Variants in WDR64 observed in about 807,000 individuals in gnomAD.
WDR64 encodes WD repeat-containing protein 64.
WDR64 carries 112 observed loss-of-function variants against 139.3 expected under a neutral mutation model. That is an observed-to-expected ratio of 0.80 (90% CI 0.69 to 0.94). The LOEUF is 0.94. Ranked by LOEUF, WDR64 falls within the 40% of genes least tolerant of loss-of-function variation. WDR64 has a pLI of 0.00. For missense variants in WDR64, 1,206 were observed against 1,293.1 expected (o/e 0.93, Z 1.03); for synonymous variants, 444 against 437.7 (o/e 1.01, Z -0.18).
chr1:241,735,855 C>CTCTGTGTGTG (rs1248435698), intron 10 of WDR64, among the ~76,000 whole-genome samples: 1 of 71,610 alleles, frequency 1.4e-5, no homozygotes, highest in African/African-American at 4.7e-5. Flanking sequence ...CTCTCTCTCT[C>CTCTGTGTGTG]TGTGTGTGTG....
At position 241,740,040 on chromosome 1, in the gene WDR64, C is replaced by T. The variant is rs190331108; in HGVS notation, c.1322-1476C>T. ...TCATCTATTTTTTTCATTTGATCTGCACAGCCACCATATGAGGTAGTAATT... is the reference window on the plus strand; with the variant it reads ...TCATCTATTTTTTTCATTTGATCTGTACAGCCACCATATGAGGTAGTAATT... On this transcript the variant is annotated intron_variant, in intron 11 of 27. Transcript: ENST00000437684. Among the ~76,000 whole-genome samples the T allele has an allele frequency of 4.6e-5, 7 of 152,260 alleles. No individual in the cohort carries two copies. In the East Asian group the frequency reaches 1.4e-3, roughly 29 times the overall value.
chr1:241,666,307 T>C (rs1666025776), intron 2 of WDR64, among the ~76,000 whole-genome samples: 1 of 152,196 alleles, frequency 6.6e-6, no homozygotes, highest in Non-Finnish European at 1.5e-5. Context: ...ACAGCATTAT[T>C]TGCTTGAGAC....
At position 241,801,257 on chromosome 1, in the gene WDR64, C is replaced by T. The variant is rs4658661; in HGVS notation, c.*42C>T. 778,997 of 1,539,786 alleles carry T rather than the reference C, an allele frequency of 0.51. 201,905 individuals are homozygous for T. Among genetic ancestry groups the T allele is most frequent in the Middle Eastern group, 0.56 (3,333 of 5,904 alleles). Reference sequence around the variant, plus strand: ...ATGGCTGCTGCACATAAAATGGCAACGTTTGGATGATACCTGCTCTTTATT... The same window carrying T: ...ATGGCTGCTGCACATAAAATGGCAATGTTTGGATGATACCTGCTCTTTATT... On this transcript the variant is annotated 3_prime_UTR_variant, in exon 28 of 28. Transcript: ENST00000437684.
At chr1:241,789,899 T>A (rs969816843) in intron 24 of WDR64, among the ~76,000 whole-genome samples, 8 of 152,026 alleles carry the variant, frequency 5.3e-5, no homozygotes, top group Admixed American at 5.2e-4. Context: ...TTAAAAAAAA[T>A]AGTTATGACT....
intron 19 of WDR64, among the ~76,000 whole-genome samples, chr1:241,771,941 C>CATATAT (rs1359575397): frequency 3.9e-3 from 112 of 28,820 alleles, no homozygotes; most frequent in Middle Eastern, 0.025. Flanking sequence ...TACATACATA[C>CATATAT]ATACATATAT....
At chr1:241,687,812 T>C (rs1319415202) in intron 8 of WDR64, among the ~76,000 whole-genome samples, 1 of 152,210 alleles carries the variant, frequency 6.6e-6, no homozygotes, top group African/African-American at 2.4e-5. Context: ...CTGTGCCCAT[T>C]TGTTGTTTAT....
chr1:241,775,522 G>T (rs2148307945), intron 21 of WDR64, among the ~76,000 whole-genome samples: 1 of 152,188 alleles, frequency 6.6e-6, no homozygotes, highest in African/African-American at 2.4e-5. Flanking sequence ...TTTTCACATT[G>T]AAAGTGTATG....
intron 23 of WDR64, among the ~76,000 whole-genome samples, chr1:241,785,862 G>A (rs1298699914): frequency 6.6e-6 from 1 of 152,178 alleles, no homozygotes; most frequent in African/African-American, 2.4e-5. Context: ...AGAAGTTCAG[G>A]GAGGCAAAGT....
rs373595566 is a variant in WDR64 at position 241,793,281 on chromosome 1, G to A, written c.2998-1926G>A. On this transcript the variant is annotated intron_variant, in intron 25 of 27. Coordinates refer to ENST00000437684, the MANE Select transcript of WDR64 (RefSeq NM_001367482.1). The stretch of plus-strand genomic sequence containing the variant: ...ATTCTGGATTGCTATTTATGTCTGA[G>A]GGTAGATGAGCAGGAGTGAGGTGAG... Among the ~76,000 whole-genome samples the A allele has an allele frequency of 2.6e-5, 4 of 152,336 alleles. 1 individual carries two copies. The highest frequency in any genetic ancestry group is 6.5e-5 in the Admixed American group (1 of 15,292).
At position 241,802,043 on chromosome 1, in the gene WDR64, C is replaced by A; in HGVS notation, c.*828C>A. On this transcript the variant is annotated 3_prime_UTR_variant, in exon 28 of 28. Transcript: ENST00000437684. ...ATGCAAAAACTAACCTAAAGAAAAT[C>A]AATATAGCCATATTAATATTAAAAT... is the stretch of plus-strand genomic sequence containing the variant. 1 of 397,460 alleles carries A rather than the reference C, an allele frequency of 2.5e-6. No individual in the cohort carries two copies. The highest frequency in any genetic ancestry group is 1.3e-4 in the South Asian group (1 of 7,780). 24.6% of individuals were successfully genotyped at this position (397,460 alleles called of 1,614,324 possible). A position where few individuals can be genotyped will look rare whatever the true frequency, so the allele number is the denominator to read the frequency against.
chr1:241,671,936 G>T (rs1666246340), intron 3 of WDR64, among the ~76,000 whole-genome samples: 1 of 152,152 alleles, frequency 6.6e-6, no homozygotes, highest in Non-Finnish European at 1.5e-5. Flanking sequence ...ACTTTGAGGA[G>T]GTCAAGGGGG....
rs559891672 is a variant in WDR64, at chr1:241,711,446, C to T, written c.975-356C>T. ...AAAGGAGAAGTGTCCAAAAGGGTTC[C>T]TGGCATTATGTGCTACCCAACAGAC... On this transcript the variant is annotated intron_variant, in intron 8 of 27. Transcript: ENST00000437684. Among the ~76,000 whole-genome samples the T allele has an allele frequency of 3.9e-5, 6 of 152,168 alleles. No homozygotes were observed. The South Asian group carries it at 1.2e-3, about 32-fold the overall frequency.
intron 9 of WDR64, among the ~76,000 whole-genome samples, chr1:241,719,636 C>A (rs889597598): frequency 3.3e-5 from 5 of 152,084 alleles, no homozygotes; most frequent in Non-Finnish European, 7.4e-5. Flanking sequence ...AACAAGTCAC[C>A]TAATTATCCC....
At chr1:241,728,823 C>CTTTTTT (rs66478639) in intron 10 of WDR64, among the ~76,000 whole-genome samples, 2,181 of 148,706 alleles carry the variant, frequency 0.015, 53 homozygotes, top group African/African-American at 0.049. Context: ...TTCTCTTCTT[C>CTTTTTT]TTTTTTTTTT....
At chr1:241,764,048 T>C (rs1658038500) in intron 15 of WDR64, among the ~76,000 whole-genome samples, 1 of 151,964 alleles carries the variant, frequency 6.6e-6, no homozygotes, top group African/African-American at 2.4e-5. Context: ...GTGAACGAAA[T>C]AATGGAGGTA....
At chr1:241,769,917 A>G (rs974669339) in intron 17 of WDR64, among the ~76,000 whole-genome samples, 3 of 152,234 alleles carry the variant, frequency 2.0e-5, no homozygotes, top group Non-Finnish European at 4.4e-5. Context: ...TCCACCATCC[A>G]CTATAACTGA....
At chr1:241,800,997 T>A (rs1659507332) in intron 27 of WDR64, 135 bp from the exon 28 acceptor site, 1 of 672,166 alleles carries the variant, frequency 1.5e-6, no homozygotes, top group Non-Finnish European at 2.5e-6. Context: ...CATAGGATTG[T>A]TAAGTAAATA....
Position 241,683,502 on chromosome 1 carries a change from A to T in WDR64, c.640A>T (p.Ile214Leu). 6.4e-7 allele frequency: 1 copy of T among 1,551,706 alleles called. No homozygotes were observed. Among genetic ancestry groups the T allele is most frequent in the Non-Finnish European group, 8.7e-7 (1 of 1,146,968 alleles). ...CTGTTTCTAGGAAAATTATTTTGTC[A>T]TAAAACCAATGGATCACTGCCTCCT... The part of the protein sequence containing the change: ...QGSSQENYFV[I>L]KPMDHCLLCV... The change falls in exon 7 of 28, where the codon ATA (isoleucine) becomes TTA (leucine). Residue 214 changes from isoleucine (I) to leucine (L), a missense_variant. Coordinates refer to ENST00000437684, the MANE Select transcript of WDR64 (RefSeq NM_001367482.1).
intron 4 of WDR64, among the ~76,000 whole-genome samples, chr1:241,676,877 C>T (rs1666578826): frequency 6.6e-6 from 1 of 151,834 alleles, no homozygotes; most frequent in Non-Finnish European, 1.5e-5. Context: ...GAGCCATGCC[C>T]AGCCCAAAAT....
Sources: allele counts gnomAD v4.1 joint callset (sites outside exome capture counted in the v4.1 genomes callset), GRCh38; gene constraint gnomAD v4.1.1; transcripts MANE v1.5; gene names NCBI Gene and HGNC (gene_info 2026-07-23, HGNC 2026-07-21).